The following EPB41L3 variants were observed in gnomAD, a reference collection of about 807,000 sequenced individuals.
EPB41L3 encodes erythrocyte membrane protein band 4.1 like 3, also known as band 4.1-like protein 3.
EPB41L3 carries 57 observed loss-of-function variants against 127.1 expected under a neutral mutation model. The ratio of observed to expected loss-of-function variants is 0.45; its 90% CI spans 0.36 to 0.56. The LOEUF is 0.56. EPB41L3 is among the 20% of genes least tolerant of loss of function. The pLI, the probability that EPB41L3 is intolerant of heterozygous loss-of-function variation, is 0.00. For synonymous variants in EPB41L3, 572 were observed against 549.5 expected (o/e 1.04, Z -0.57); for missense variants, 1,273 against 1,372.2 (o/e 0.93, Z 1.14).
intron 2 of EPB41L3, among the ~76,000 whole-genome samples, chr18:5,485,333 TAGA>T (rs2089547174): frequency 6.6e-6 from 1 of 151,968 alleles, no homozygotes; most frequent in African/African-American, 2.4e-5. Flanking sequence ...AAAATCAGTA[TAGA>T]AGAACATACC....
intron 14 of EPB41L3, 115 bp from the exon 15 acceptor site, chr18:5,407,851 A>G: frequency 1.2e-6 from 1 of 856,492 alleles, no homozygotes; most frequent in South Asian, 1.5e-5. Flanking sequence ...GCTCTTGCAT[A>G]TGGATGCCAC....
chr18:5,485,701 A>C (rs113479646), intron 2 of EPB41L3, among the ~76,000 whole-genome samples: 3 of 152,090 alleles, frequency 2.0e-5, no homozygotes, highest in South Asian at 4.1e-4. Context: ...TCAATGGTAA[A>C]CTATCTGAAA....
intron 1 of EPB41L3, among the ~76,000 whole-genome samples, chr18:5,537,686 C>T (rs939935855): frequency 1.3e-5 from 2 of 152,170 alleles, no homozygotes; most frequent in African/African-American, 2.4e-5. Context: ...TACTCCCCAG[C>T]ATACAGGCTA....
intron 9 of EPB41L3, among the ~76,000 whole-genome samples, chr18:5,425,935 G>C (rs1176209017): frequency 6.6e-6 from 1 of 152,112 alleles, no homozygotes; most frequent in African/African-American, 2.4e-5. Context: ...TGACTGTTAA[G>C]TTCAACACAC....
chr18:5,402,615 T>C (rs2074687655), intron 16 of EPB41L3, among the ~76,000 whole-genome samples: 1 of 152,152 alleles, frequency 6.6e-6, no homozygotes, highest in Non-Finnish European at 1.5e-5. Flanking sequence ...CTGTATATGG[T>C]CAACCTCCCA....
chr18:5,499,675 G>C (rs1241612979), intron 1 of EPB41L3, among the ~76,000 whole-genome samples: 2 of 151,918 alleles, frequency 1.3e-5, no homozygotes, highest in Non-Finnish European at 2.9e-5. Context: ...GCTGAGGCAG[G>C]ACAATGGCGT....
intron 1 of EPB41L3, among the ~76,000 whole-genome samples, chr18:5,621,743 A>G (rs921844787): frequency 6.6e-6 from 1 of 152,242 alleles, no homozygotes; most frequent in Admixed American, 6.5e-5. Flanking sequence ...CCTGTCTCAC[A>G]AAAGAAAAAA....
At chr18:5,437,532 A>C (rs1185202351) in intron 6 of EPB41L3, among the ~76,000 whole-genome samples, 1 of 152,246 alleles carries the variant, frequency 6.6e-6, no homozygotes, top group Non-Finnish European at 1.5e-5. Flanking sequence ...TACCAAACTG[A>C]AATATTTTAA....
intron 6 of EPB41L3, among the ~76,000 whole-genome samples, chr18:5,437,414 T>C (rs1394675620): frequency 6.6e-6 from 1 of 152,228 alleles, no homozygotes; most frequent in Admixed American, 6.5e-5. Flanking sequence ...AATAAGTTTC[T>C]ATTGTTTATC....
chr18:5,505,205 A>G (rs753787362), intron 1 of EPB41L3, among the ~76,000 whole-genome samples: 9 of 152,102 alleles, frequency 5.9e-5, no homozygotes, highest in Non-Finnish European at 1.2e-4. Context: ...AAAAGTGAAC[A>G]CTTGAAGTTT....
At chr18:5,411,552 A>C (rs891526683) in intron 13 of EPB41L3, among the ~76,000 whole-genome samples, 9 of 152,066 alleles carry the variant, frequency 5.9e-5, no homozygotes, top group Non-Finnish European at 1.2e-4. Flanking sequence ...TTTTCTCTCG[A>C]GTAGAGTAGA....
At chr18:5,437,587 A>AT (rs1231597663) in intron 6 of EPB41L3, among the ~76,000 whole-genome samples, 1 of 152,220 alleles carries the variant, frequency 6.6e-6, no homozygotes, top group African/African-American at 2.4e-5. Context: ...AAAACAAATT[A>AT]ATCATTTTCC....
At chr18:5,394,603 T>C in intron 22 of EPB41L3, 74 bp downstream of exon 22, 1 of 1,088,912 alleles carries the variant, frequency 9.2e-7, no homozygotes, top group Non-Finnish European at 1.4e-6. Flanking sequence ...AGGGATCAGG[T>C]GAAGGATGAG....
At chr18:5,469,309 G>C (rs1460442820) in intron 3 of EPB41L3, among the ~76,000 whole-genome samples, 2 of 152,204 alleles carry the variant, frequency 1.3e-5, no homozygotes, top group Non-Finnish European at 2.9e-5. Context: ...GCTTCCGGGT[G>C]TCACTGCGTT....
Position 5,437,947 on chromosome 18 carries a change from C to T in EPB41L3, c.605+88G>A, listed in dbSNP as rs890941062. Reference sequence around the variant, plus strand: ...TGAGCGTGGATGATTGTAAGGCTACCAGATGTAAGCACGCTCTTTCCGGAG... The same window carrying T: ...TGAGCGTGGATGATTGTAAGGCTACTAGATGTAAGCACGCTCTTTCCGGAG... On this transcript the variant is annotated intron_variant, in intron 6 of 22. Coordinates refer to ENST00000341928, the MANE Select transcript of EPB41L3 (RefSeq NM_012307.5). 6 of 1,147,096 alleles carry T rather than the reference C, an allele frequency of 5.2e-6. No individual in the cohort carries two copies. The African/African-American group carries it at 7.7e-5, about 15-fold the overall frequency. 71.1% of individuals were successfully genotyped at this position (1,147,096 alleles called of 1,614,324 possible).
chr18:5,533,026 T>C (rs1285278945), intron 1 of EPB41L3, among the ~76,000 whole-genome samples: 2 of 152,156 alleles, frequency 1.3e-5, no homozygotes, highest in Non-Finnish European at 2.9e-5. Flanking sequence ...ATTTAATTTA[T>C]TAATATATGT....
At chr18:5,429,124 C>T (rs1238997832) in intron 8 of EPB41L3, 1 of 152,148 alleles carries the variant, frequency 6.6e-6, no homozygotes, top group East Asian at 1.9e-4. Context: ...CCAACAACCG[C>T]CCTTCCCTCC....
At chr18:5,527,826 T>C (rs1598666425) in intron 1 of EPB41L3, among the ~76,000 whole-genome samples, 1 of 152,236 alleles carries the variant, frequency 6.6e-6, no homozygotes, top group East Asian at 1.9e-4. Flanking sequence ...ATGACTCAGT[T>C]CAAGGTTCAG....
chr18:5,471,321 A>C (rs539740162), intron 3 of EPB41L3, among the ~76,000 whole-genome samples: 1 of 152,316 alleles, frequency 6.6e-6, no homozygotes, highest in African/African-American at 2.4e-5. Flanking sequence ...TCACCATCTC[A>C]CAGGGCTCTG....
Sources: allele counts gnomAD v4.1 joint callset (sites outside exome capture counted in the v4.1 genomes callset), GRCh38; gene constraint gnomAD v4.1.1; transcripts MANE v1.5; gene names NCBI Gene and HGNC (gene_info 2026-07-23, HGNC 2026-07-21).